The following LDLRAD3 variants were observed in gnomAD, a reference collection of about 807,000 sequenced individuals.
LDLRAD3 encodes the protein low density lipoprotein receptor class A domain containing 3.
Under a neutral mutation model 29.4 loss-of-function variants are expected in LDLRAD3, and 20 were observed. That is an observed-to-expected ratio of 0.68 (90% confidence interval 0.48 to 0.99). LDLRAD3 has a LOEUF of 0.99. Among genes scored for constraint, LDLRAD3 ranks in the 50% least tolerant of loss-of-function variants. LDLRAD3 has a pLI of 0.00. For synonymous variants in LDLRAD3, 157 were observed against 192.7 expected, an observed-to-expected ratio of 0.81 and a Z score of 1.53; for missense variants, 420 against 454.3, an observed-to-expected ratio of 0.92 and a Z score of 0.69.
chr11:36,063,113 A>G (rs965978664), intron 2 of LDLRAD3, among the ~76,000 whole-genome samples: 5 of 152,220 alleles, frequency 3.3e-5, no homozygotes, highest in African/African-American at 1.2e-4. Flanking sequence ...GAACTGAAAT[A>G]AAACAAATGT....
At chr11:36,147,137 A>T (rs1854207898) in intron 4 of LDLRAD3, among the ~76,000 whole-genome samples, 5 of 72,030 alleles carry the variant, frequency 6.9e-5, no homozygotes, top group South Asian at 5.7e-4. Flanking sequence ...TTTTTTTTTG[A>T]GACGGAGTCT....
At chr11:36,221,125 A>G (rs1056367107) in intron 4 of LDLRAD3, among the ~76,000 whole-genome samples, 2 of 151,834 alleles carry the variant, frequency 1.3e-5, no homozygotes, top group Admixed American at 6.6e-5. Context: ...AGGTGGGTGG[A>G]TCACTTGAGG....
At chr11:36,082,110 C>T (rs1365186021) in intron 3 of LDLRAD3, among the ~76,000 whole-genome samples, 1 of 152,076 alleles carries the variant, frequency 6.6e-6, no homozygotes, top group African/African-American at 2.4e-5. Flanking sequence ...TCACATAGCT[C>T]ATAAGAAGCA....
chr11:36,165,005 T>G (rs967748245), intron 4 of LDLRAD3, among the ~76,000 whole-genome samples: 1 of 152,228 alleles, frequency 6.6e-6, no homozygotes, highest in Non-Finnish European at 1.5e-5. Context: ...TTGGAAAATA[T>G]AGAACAGGGA....
At chr11:36,220,307 A>G (rs1855410870) in intron 4 of LDLRAD3, among the ~76,000 whole-genome samples, 1 of 152,140 alleles carries the variant, frequency 6.6e-6, no homozygotes, top group South Asian at 2.1e-4. Context: ...AGTTAAACAT[A>G]TGCTTCCCAT....
chr11:36,229,633 C>T lies in LDLRAD3; in HGVS notation c.*236C>T. On this transcript the variant is annotated 3_prime_UTR_variant, in exon 6 of 6. Coordinates refer to ENST00000315571, the MANE Select transcript of LDLRAD3 (RefSeq NM_174902.4). ...CTGTCAGGTCACTCTTCCCTTGGGA[C>T]CCGAGATCACACCCTCATTTTTCAC... 4.1e-6 allele frequency: 2 copies of T among 490,694 alleles called. No individual in the cohort carries two copies. Among genetic ancestry groups the T allele is most frequent in the Middle Eastern group, 5.1e-4 (1 of 1,944 alleles). The allele number at this position is 490,694 out of a possible 1,614,324, so 30.4% of individuals were successfully genotyped here.
intron 3 of LDLRAD3, among the ~76,000 whole-genome samples, chr11:36,092,626 C>T (rs188777248): frequency 1.3e-5 from 2 of 152,164 alleles, no homozygotes; most frequent in Non-Finnish European, 2.9e-5. Context: ...CTTTTTAGAG[C>T]GTTTCTGTCC....
chr11:36,058,220 C>T (rs1240357288), intron 2 of LDLRAD3, among the ~76,000 whole-genome samples: 1 of 152,186 alleles, frequency 6.6e-6, no homozygotes, highest in Non-Finnish European at 1.5e-5. Flanking sequence ...GTCTCACACC[C>T]TGGTGCTGTG....
At chr11:36,141,686 G>A (rs1050388518) in intron 4 of LDLRAD3, among the ~76,000 whole-genome samples, 5 of 152,178 alleles carry the variant, frequency 3.3e-5, no homozygotes, top group African/African-American at 4.8e-5. Context: ...TATAGATGAA[G>A]GGCATGTTCA....
At position 36,098,444 on chromosome 11, in the gene LDLRAD3, G is replaced by A. The variant is rs1853397245; in HGVS notation, c.437G>A (p.Ser146Asn). ...TGTCAAGACAACAGTGATGAGGAAA[G>A]CTGTGAAAGTTCTCAAGGTAGGAAC... ...NNCQDNSDEE[S>N]CESSQEPGSG... Residue 146 changes from serine (S) to asparagine (N), a missense_variant, in exon 4 of 6, where the codon AGC becomes AAC. By Grantham distance (46) the Ser-to-Asn change is conservative (BLOSUM62 1). Transcript: ENST00000315571. 3.7e-6 allele frequency: 6 copies of A among 1,614,238 alleles called. No individual in the cohort carries two copies. The highest frequency in any genetic ancestry group is 5.1e-6 in the Non-Finnish European group (6 of 1,180,036).
chr11:36,119,272 C>T (rs940383127), intron 4 of LDLRAD3, among the ~76,000 whole-genome samples: 7 of 152,130 alleles, frequency 4.6e-5, no homozygotes, highest in Non-Finnish European at 7.4e-5. Context: ...CTGCCATGCA[C>T]ATTTGTGTGC....
intron 2 of LDLRAD3, among the ~76,000 whole-genome samples, chr11:36,048,721 C>T (rs948175213): frequency 2.0e-5 from 3 of 152,178 alleles, no homozygotes; most frequent in Non-Finnish European, 4.4e-5. Context: ...ACTTGGACGG[C>T]ATCTGCAAGA....
chr11:35,995,702 A>G (rs1219297878), intron 1 of LDLRAD3, among the ~76,000 whole-genome samples: 1 of 152,228 alleles, frequency 6.6e-6, no homozygotes, highest in Non-Finnish European at 1.5e-5. Flanking sequence ...TAGTGTAGCC[A>G]CTGTTATCAG....
intron 4 of LDLRAD3, among the ~76,000 whole-genome samples, chr11:36,143,250 G>A (rs1048972256): frequency 6.6e-6 from 1 of 152,100 alleles, no homozygotes; most frequent in Non-Finnish European, 1.5e-5. Flanking sequence ...CGCTGTCTCC[G>A]GCAGCCTTGC....
chr11:36,178,557 G>A (rs569897357), intron 4 of LDLRAD3, among the ~76,000 whole-genome samples: 1 of 152,250 alleles, frequency 6.6e-6, no homozygotes, highest in East Asian at 1.9e-4. Flanking sequence ...ATTCAGAGCC[G>A]TGCATTTGAG....
chr11:36,146,561 G>A (rs1854197229), intron 4 of LDLRAD3, among the ~76,000 whole-genome samples: 7 of 152,112 alleles, frequency 4.6e-5, no homozygotes, highest in Admixed American at 4.6e-4. Context: ...CAGAAGAGAA[G>A]TCCAAATCAA....
intron 4 of LDLRAD3, among the ~76,000 whole-genome samples, chr11:36,168,352 C>A (rs1854544811): frequency 6.6e-6 from 1 of 152,072 alleles, no homozygotes. Flanking sequence ...TTGTTTTTAA[C>A]AGGAGGAGAA....
chr11:36,208,271 G>C (rs1029959237), intron 4 of LDLRAD3, among the ~76,000 whole-genome samples: 1 of 152,206 alleles, frequency 6.6e-6, no homozygotes. Flanking sequence ...TTTTGTGCTG[G>C]TGTGACAAAA....
intron 1 of LDLRAD3, chr11:35,967,778 T>G: frequency 4.3e-6 from 2 of 463,584 alleles, no homozygotes; most frequent in South Asian, 3.1e-5. Flanking sequence ...TTGGAAGTGA[T>G]TAGTAGACTT....
Sources: gnomAD v4.1 joint callset for allele counts (sites outside exome capture counted in the v4.1 genomes callset) on GRCh38, gnomAD v4.1.1 for gene constraint, MANE v1.5 for transcripts, NCBI Gene and HGNC (gene_info 2026-07-23, HGNC 2026-07-21) for gene names.